Variants in FUT9 observed in about 807,000 individuals in gnomAD.
FUT9 encodes 4-galactosyl-N-acetylglucosaminide 3-alpha-L-fucosyltransferase 9.
A neutral mutation model predicts 29.7 loss-of-function variants in FUT9; 15 were observed. The ratio of observed to expected loss-of-function variants is 0.51; its 90% CI spans 0.34 to 0.78. FUT9 has a LOEUF of 0.78. FUT9 is among the 30% of genes least tolerant of loss of function. The pLI is 0.01. For missense variants in FUT9, 319 were observed against 425.4 expected (o/e 0.75, Z 2.20); for synonymous variants, 169 against 153.7 (o/e 1.10, Z -0.74).
chr6:96,044,230 G>C (rs1770519438), intron 1 of FUT9, among the ~76,000 whole-genome samples: 1 of 152,156 alleles, frequency 6.6e-6, no homozygotes, highest in Non-Finnish European at 1.5e-5. Flanking sequence ...CCTCTAAATT[G>C]AAAGAGTGAT....
At chr6:96,187,039 G>C (rs2039742930) in intron 2 of FUT9, among the ~76,000 whole-genome samples, 1 of 152,108 alleles carries the variant, frequency 6.6e-6, no homozygotes, top group Admixed American at 6.6e-5. Flanking sequence ...CAAACTGGAA[G>C]AGCAAGAATT....
chr6:96,184,959 T>C (rs1191122212), intron 2 of FUT9, among the ~76,000 whole-genome samples: 4 of 152,050 alleles, frequency 2.6e-5, no homozygotes, highest in South Asian at 2.1e-4. Context: ...AAGTAGCTCA[T>C]AGATAGAAAT....
intron 2 of FUT9, among the ~76,000 whole-genome samples, chr6:96,141,567 GAGCAGCAT>G (rs1772464770): frequency 6.6e-6 from 1 of 152,182 alleles, no homozygotes; most frequent in African/African-American, 2.4e-5. Context: ...GAGGAAGGTG[GAGCAGCAT>G]AGCAGTCTAA....
At chr6:96,064,936 A>G (rs544221550) in intron 1 of FUT9, among the ~76,000 whole-genome samples, 9 of 152,338 alleles carry the variant, frequency 5.9e-5, no homozygotes, top group African/African-American at 2.2e-4. Context: ...AGAAAAGTAC[A>G]TCTCAAAATA....
chr6:96,166,154 T>TAA (rs151129714), intron 2 of FUT9, among the ~76,000 whole-genome samples: 10 of 146,378 alleles, frequency 6.8e-5, no homozygotes, highest in African/African-American at 1.5e-4. Context: ...TCAGAAACAA[T>TAA]AAAAAAAAAA....
chr6:96,210,035 T>A lies in FUT9; in HGVS notation c.*5800T>A, dbSNP rs1355204219. ...CCTAGATCATCTACATAAAAATCAT[T>A]TGAAATATTGTTAATAATACACAGC... On this transcript the variant is annotated 3_prime_UTR_variant, in exon 3 of 3. Transcript: ENST00000302103. 1 of 166,820 alleles carries A rather than the reference T, an allele frequency of 6.0e-6. No individual in the cohort carries two copies. The highest frequency in any genetic ancestry group is 2.4e-5 in the African/African-American group (1 of 41,414). 10.3% of individuals were successfully genotyped at this position (166,820 alleles called of 1,614,324 possible). A position where few individuals can be genotyped will look rare whatever the true frequency, so the allele number is the denominator to read the frequency against.
intron 2 of FUT9, among the ~76,000 whole-genome samples, chr6:96,184,300 C>T (rs562998699): frequency 1.3e-5 from 2 of 152,076 alleles, no homozygotes; most frequent in Non-Finnish European, 2.9e-5. Flanking sequence ...TAACATCTCT[C>T]ATTTTGTTTC....
At chr6:96,090,148 G>A (rs1178367171) in intron 1 of FUT9, among the ~76,000 whole-genome samples, 1 of 152,000 alleles carries the variant, frequency 6.6e-6, no homozygotes, top group East Asian at 1.9e-4. Context: ...TTATTTTCAA[G>A]CATGTGTATA....
In FUT9 at chr6:96,019,636, C is replaced by T. The variant is rs180755259; in HGVS notation, c.-98+3424C>T. 7.2e-4 allele frequency among the ~76,000 whole-genome samples: 110 copies of T among 152,116 alleles called. No homozygotes were observed. The East Asian group carries it at 0.016, about 23-fold the overall frequency. On this transcript the variant is annotated intron_variant, in intron 1 of 2. Coordinates refer to ENST00000302103, the MANE Select transcript of FUT9 (RefSeq NM_006581.4). ...TTTACAACAATGCTATAAAGTGATA[C>T]TCTCATAAACTCTAATGTACAATTA...
At chr6:96,157,180 T>C (rs1275754642) in intron 2 of FUT9, among the ~76,000 whole-genome samples, 1 of 152,204 alleles carries the variant, frequency 6.6e-6, no homozygotes, top group East Asian at 1.9e-4. Context: ...CTTATATTCT[T>C]TGAGTCTATG....
intron 1 of FUT9, among the ~76,000 whole-genome samples, chr6:96,085,612 G>T (rs1216341084): frequency 7.6e-6 from 1 of 131,882 alleles, no homozygotes; most frequent in Admixed American, 7.1e-5. Context: ...AAACAAGCCA[G>T]GTTTGTCAAA....
chr6:96,065,245 G>T (rs139012505), intron 1 of FUT9, among the ~76,000 whole-genome samples: 4 of 152,132 alleles, frequency 2.6e-5, no homozygotes, highest in Admixed American at 6.5e-5. Flanking sequence ...CCCATGGTGG[G>T]GCAGTCAAGG....
chr6:96,044,830 A>C (rs1661156019), intron 1 of FUT9, among the ~76,000 whole-genome samples: 1 of 152,214 alleles, frequency 6.6e-6, no homozygotes, highest in African/African-American at 2.4e-5. Flanking sequence ...TGTATAAATT[A>C]ATCATTTTAA....
At chr6:96,183,325 A>G (rs1346557524) in intron 2 of FUT9, among the ~76,000 whole-genome samples, 2 of 151,986 alleles carry the variant, frequency 1.3e-5, no homozygotes, top group Admixed American at 6.6e-5. Context: ...GAATTCTTTT[A>G]TCAGTTTTAG....
At chr6:96,067,245 A>G (rs1489433041) in intron 1 of FUT9, among the ~76,000 whole-genome samples, 1 of 151,512 alleles carries the variant, frequency 6.6e-6, no homozygotes, top group African/African-American at 2.4e-5. Context: ...GCACATACTC[A>G]TGTTTAGGTA....
At chr6:96,064,334 G>A (rs139442596) in intron 1 of FUT9, among the ~76,000 whole-genome samples, 10 of 152,188 alleles carry the variant, frequency 6.6e-5, no homozygotes, top group African/African-American at 2.2e-4. Context: ...CTGAATGAGG[G>A]GCATAGAGAG....
chr6:96,117,486 C>A (rs1175109839), intron 2 of FUT9, among the ~76,000 whole-genome samples: 1 of 152,232 alleles, frequency 6.6e-6, no homozygotes, highest in Non-Finnish European at 1.5e-5. Flanking sequence ...TAGCAATTAG[C>A]ATGCCTCATG....
intron 1 of FUT9, among the ~76,000 whole-genome samples, chr6:96,085,289 T>C (rs1479082681): frequency 1.3e-5 from 2 of 152,154 alleles, no homozygotes; most frequent in African/African-American, 4.8e-5. Context: ...AGGCTAAGAA[T>C]TTCTAGATCA....
chr6:96,135,623 T>G (rs2127971045), intron 2 of FUT9, among the ~76,000 whole-genome samples: 1 of 151,770 alleles, frequency 6.6e-6, no homozygotes, highest in Non-Finnish European at 1.5e-5. Flanking sequence ...AAACTGCCAG[T>G]TTCAGGAAAA....
Sources: gnomAD v4.1 joint callset for allele counts (sites outside exome capture counted in the v4.1 genomes callset) on GRCh38, gnomAD v4.1.1 for gene constraint, MANE v1.5 for transcripts, NCBI Gene and HGNC (gene_info 2026-07-23, HGNC 2026-07-21) for gene names.